The following SDR42E2 variants were observed in gnomAD, a reference collection of about 807,000 sequenced individuals.
SDR42E2 encodes putative short-chain dehydrogenase/reductase family 42E member 2.
Under a neutral mutation model 10.5 loss-of-function variants are expected in SDR42E2, and 20 were observed. The observed-to-expected ratio is 1.90, with a 90% CI of 1.34 to 2.77. SDR42E2 has a LOEUF of 2.77. Among genes scored for constraint, SDR42E2 ranks in the 30% most tolerant of loss-of-function variants. SDR42E2 has a pLI of 0.00. For synonymous variants in SDR42E2, 72 were observed against 39.2 expected, an observed-to-expected ratio of 1.84 and a Z score of -3.12; for missense variants, 162 against 104.2, an observed-to-expected ratio of 1.55 and a Z score of -2.42.
At chr16:22,181,490 C>G in intron 8 of SDR42E2, 29 bp from the exon 9 acceptor site, 1 of 702,912 alleles carries the variant, frequency 1.4e-6, no homozygotes. Context: ...CGGACACAAG[C>G]CTGTTTATCA....
intron 6 of SDR42E2, among the ~76,000 whole-genome samples, chr16:22,171,388 A>G (rs1037000732): frequency 2.0e-5 from 3 of 147,800 alleles, no homozygotes; most frequent in African/African-American, 7.5e-5. Context: ...TTATAGGTGC[A>G]TGCCACCACA....
chr16:22,166,472 G>A lies in SDR42E2; in HGVS notation c.240+38G>A, dbSNP rs574614573. On this transcript the variant is annotated intron_variant, in intron 3 of 12. Coordinates refer to ENST00000602312, the MANE Select transcript of SDR42E2 (RefSeq NM_001394319.2). The stretch of plus-strand genomic sequence containing the variant: ...AGGGTCTTAATAGACTGGGGCAGTG[G>A]TGATGGTCAGGGGACAGTGTTTGAT... 4.7e-5 allele frequency: 19 copies of A among 402,686 alleles called. No individual in the cohort carries two copies. In the South Asian group the frequency reaches 2.1e-3, roughly 45 times the overall value. The allele number at this position is 402,686 out of a possible 1,614,324, so 24.9% of individuals were successfully genotyped here.
chr16:22,169,887 C>G (rs1401432537), intron 5 of SDR42E2, among the ~76,000 whole-genome samples: 2 of 151,866 alleles, frequency 1.3e-5, no homozygotes, highest in African/African-American at 2.4e-5. Context: ...AAAAAATTAG[C>G]CAGGCGTGGT....
intron 11 of SDR42E2, among the ~76,000 whole-genome samples, chr16:22,186,241 A>G (rs1461315564): frequency 6.7e-6 from 1 of 149,048 alleles, no homozygotes; most frequent in Non-Finnish European, 1.5e-5. Context: ...GAGTCTTATT[A>G]TGTTGCCCAG....
In SDR42E2 at chr16:22,186,264, T is replaced by G. The variant is rs188407014; in HGVS notation, c.941-457T>G. ...TTATGTTGCCCAGCCTGGAGTGCAG[T>G]GGTGCAATCTCAGCTCACTGCAATC... is the stretch of plus-strand genomic sequence containing the variant. On this transcript the variant is annotated intron_variant, in intron 11 of 12. Transcript: ENST00000602312. Among the ~76,000 whole-genome samples, 799 of 152,134 alleles carry G rather than the reference T, an allele frequency of 5.3e-3. 3 individuals carry two copies. Among genetic ancestry groups the G allele is most frequent in the Non-Finnish European group, 6.9e-3 (472 of 67,996 alleles).
intron 4 of SDR42E2, among the ~76,000 whole-genome samples, chr16:22,167,661 T>C (rs2046555385): frequency 6.6e-6 from 1 of 152,170 alleles, no homozygotes; most frequent in South Asian, 2.1e-4. Flanking sequence ...GAAATTACAC[T>C]CATTTGTGTA....
chr16:22,165,818 C>CAGGGACTGGACCAGGTCT (rs2046530399), intron 2 of SDR42E2, among the ~76,000 whole-genome samples, 181 bp downstream of exon 2: 1 of 152,214 alleles, frequency 6.6e-6, no homozygotes, highest in African/African-American at 2.4e-5. Context: ...GGTGCTATTT[C>CAGGGACTGGACCAGGTCT]AGGGACTGGA....
At chr16:22,166,137 A>G (rs536211652) in intron 2 of SDR42E2, 113 bp from the exon 3 acceptor site, 40 of 468,006 alleles carry the variant, frequency 8.5e-5, no homozygotes, top group South Asian at 1.7e-4. Context: ...GAGCTGGATC[A>G]GTACCTGGGG....
chr16:22,190,495 A>G lies in SDR42E2; in HGVS notation c.*102A>G. 1 of 399,078 alleles carries G rather than the reference A, an allele frequency of 2.5e-6. No homozygotes were observed. The highest frequency in any genetic ancestry group is 4.4e-6 in the Non-Finnish European group (1 of 226,308). The allele number at this position is 399,078 out of a possible 1,614,324, so 24.7% of individuals were successfully genotyped here. The stretch of plus-strand genomic sequence containing the variant: ...GCCCCTGCCCCGCCTTCTGGGTTTG[A>G]GCGCGCCTCCGCTCCGCCCCTTGAA... On this transcript the variant is annotated 3_prime_UTR_variant, in exon 13 of 13. Transcript: ENST00000602312.
In SDR42E2 at chr16:22,181,664, C is replaced by G; in HGVS notation, c.810+8C>G. On this transcript the variant is annotated splice_region_variant and intron_variant, in intron 9 of 12. Coordinates refer to ENST00000602312, the MANE Select transcript of SDR42E2 (RefSeq NM_001394319.2). ...GCCAAGGGCTACGTGGCTGTGAGTC[C>G]CCTCTGATGCCCCCAACCACCTTCC... 1 of 702,198 alleles carries G rather than the reference C, an allele frequency of 1.4e-6. No homozygotes were observed. Among genetic ancestry groups the G allele is most frequent in the Non-Finnish European group, 2.6e-6 (1 of 384,578 alleles). The allele number at this position is 702,198 out of a possible 1,614,324, so 43.5% of individuals were successfully genotyped here.
chr16:22,167,251 TCTC>T (rs1308775154), intron 4 of SDR42E2, among the ~76,000 whole-genome samples: 1 of 130,722 alleles, frequency 7.6e-6, no homozygotes, highest in Admixed American at 9.2e-5. Context: ...AGTGGCACAA[TCTC>T]AGCTCACTGC....
At chr16:22,173,909 A>G (rs980594852) in intron 7 of SDR42E2, among the ~76,000 whole-genome samples, 6 of 144,602 alleles carry the variant, frequency 4.1e-5, no homozygotes, top group Non-Finnish European at 4.5e-5. Flanking sequence ...GTGTGTGTAT[A>G]TATATATATA....
chr16:22,189,594 G>A (rs2046756928), intron 12 of SDR42E2, among the ~76,000 whole-genome samples: 1 of 152,174 alleles, frequency 6.6e-6, no homozygotes, highest in African/African-American at 2.4e-5. Flanking sequence ...ACACAGCTTA[G>A]ACCCTGGAGA....
chr16:22,170,734 C>T (rs1223022889), intron 5 of SDR42E2, 99 bp from the exon 6 acceptor site: 1 of 686,652 alleles, frequency 1.5e-6, no homozygotes, highest in African/African-American at 1.8e-5. Context: ...TGCATGACAC[C>T]TCCTCAGCCG....
intron 12 of SDR42E2, 37 bp from the exon 13 acceptor site, chr16:22,190,102 C>G (rs540954722): frequency 1.7e-5 from 7 of 400,940 alleles, no homozygotes; most frequent in Non-Finnish European, 3.1e-5. Flanking sequence ...CCTCCTCCCA[C>G]GAGGCCCGCC....
chr16:22,183,859 C>T (rs1253198769), intron 10 of SDR42E2, among the ~76,000 whole-genome samples: 2 of 151,390 alleles, frequency 1.3e-5, no homozygotes, highest in African/African-American at 2.4e-5. Context: ...TTTTGGGAGG[C>T]TGAGGCAGGA....
At chr16:22,176,960 A>G (rs1427754372) in intron 7 of SDR42E2, among the ~76,000 whole-genome samples, 1 of 152,212 alleles carries the variant, frequency 6.6e-6, no homozygotes, top group East Asian at 1.9e-4. Context: ...TGGAAAGTGT[A>G]GCAGCTGCTG....
At chr16:22,186,065 G>A (rs976069277) in intron 11 of SDR42E2, among the ~76,000 whole-genome samples, 2 of 151,710 alleles carry the variant, frequency 1.3e-5, no homozygotes, top group Non-Finnish European at 2.9e-5. Context: ...TTTTAAATTG[G>A]TCCCACATGC....
intron 7 of SDR42E2, among the ~76,000 whole-genome samples, chr16:22,175,269 G>A (rs766137247): frequency 1.3e-4 from 19 of 151,936 alleles, no homozygotes; most frequent in Non-Finnish European, 2.1e-4. Context: ...AGACCAGCCC[G>A]GGCAACATGG....
Sources: gnomAD v4.1 joint callset for allele counts (sites outside exome capture counted in the v4.1 genomes callset) on GRCh38, gnomAD v4.1.1 for gene constraint, MANE v1.5 for transcripts, NCBI Gene and HGNC (gene_info 2026-07-23, HGNC 2026-07-21) for gene names.